The following ACSM3 variants were observed in gnomAD, a reference collection of about 807,000 sequenced individuals.
ACSM3 encodes acyl-CoA synthetase medium chain family member 3, also known as acyl-coenzyme A synthetase ACSM3, mitochondrial.
ACSM3 carries 61 observed loss-of-function variants against 74.1 expected under a neutral mutation model. The ratio of observed to expected loss-of-function variants is 0.82; its 90% CI spans 0.67 to 1.02. The LOEUF is 1.02. Ranked by LOEUF, ACSM3 falls within the 50% of genes least tolerant of loss-of-function variation. The pLI, the probability that ACSM3 is intolerant of heterozygous loss-of-function variation, is 0.00. For missense variants in ACSM3, 660 were observed against 697.0 expected, an observed-to-expected ratio of 0.95 and a Z score of 0.60; for synonymous variants, 213 against 241.5, an observed-to-expected ratio of 0.88 and a Z score of 1.09.
At position 20,758,637 on chromosome 16, in the gene ACSM3, C is replaced by G. The variant is rs566902098; in HGVS notation, c.-52+3021C>G. ...TTTTGTGTCTCTATTTCCTTCAGTT[C>G]TGCTCGATTTTAGTTATTTCTTGCC... On this transcript the variant is annotated intron_variant, in intron 3 of 3. Transcript: ENST00000561584. 7.8e-3 allele frequency among the ~76,000 whole-genome samples: 1,184 copies of G among 152,232 alleles called. 14 individuals are homozygous for G. The highest frequency in any genetic ancestry group is 0.029 in the Admixed American group (445 of 15,296).
At chr16:20,689,005 T>A (rs930512513) in intron 1 of ACSM3, among the ~76,000 whole-genome samples, 7 of 148,510 alleles carry the variant, frequency 4.7e-5, no homozygotes, top group Admixed American at 1.4e-4. Context: ...ATATTATATA[T>A]TAATATATGT....
rs2080469821 is a variant in ACSM3 at position 20,786,135 on chromosome 16, C to T, written c.1201C>T (p.Pro401Ser). 2 of 1,608,906 alleles carry T rather than the reference C, an allele frequency of 1.2e-6. No individual in the cohort carries two copies. Among genetic ancestry groups the T allele is most frequent in the African/African-American group, 1.3e-5 (1 of 74,518 alleles). ...MKIKPGSMGK[P>S]SPAFDVKIVD... ...AATTAAACCTGGCTCAATGGGAAAA[C>T]CTTCTCCTGCTTTCGATGTTAAGGT... is the stretch of plus-strand genomic sequence containing the variant. The change falls in exon 9 of 14, where the codon CCT (proline) becomes TCT (serine). Residue 401 changes from proline (P) to serine (S), a missense_variant. Pro to Ser is a moderately conservative substitution (Grantham distance 74, BLOSUM62 -1). Transcript: ENST00000289416.
chr16:20,693,685 A>G (rs533707455), intron 1 of ACSM3, among the ~76,000 whole-genome samples: 2 of 152,244 alleles, frequency 1.3e-5, no homozygotes, highest in Admixed American at 1.3e-4. Flanking sequence ...CTCCAGTTTG[A>G]TGCAGTTCCT....
At chr16:20,683,569 C>T (rs1438513877) in intron 1 of ACSM3, among the ~76,000 whole-genome samples, 1 of 151,616 alleles carries the variant, frequency 6.6e-6, no homozygotes, top group Non-Finnish European at 1.5e-5. Context: ...GGCCATGCCT[C>T]ACCCCATGCT....
intron 1 of ACSM3, among the ~76,000 whole-genome samples, chr16:20,725,650 C>A (rs2079802302): frequency 6.6e-6 from 1 of 152,140 alleles, no homozygotes; most frequent in Admixed American, 6.5e-5. Context: ...ATGCCAGTAG[C>A]ACCTCCTCCC....
At chr16:20,694,366 G>C (rs2079678698) in intron 1 of ACSM3, among the ~76,000 whole-genome samples, 1 of 152,160 alleles carries the variant, frequency 6.6e-6, no homozygotes, top group African/African-American at 2.4e-5. Flanking sequence ...TGGCCTTGCT[G>C]AGTAAATTAA....
chr16:20,702,107 G>A (rs936630286), intron 1 of ACSM3, among the ~76,000 whole-genome samples: 1 of 152,190 alleles, frequency 6.6e-6, no homozygotes, highest in African/African-American at 2.4e-5. Flanking sequence ...AGGTCCTTGA[G>A]AAATCCCCAC....
At chr16:20,713,814 C>T (rs761012138) in intron 1 of ACSM3, among the ~76,000 whole-genome samples, 1 of 152,154 alleles carries the variant, frequency 6.6e-6, no homozygotes, top group Non-Finnish European at 1.5e-5. Flanking sequence ...TCATTTCAAA[C>T]TTTGAAGTGC....
intron 1 of ACSM3, among the ~76,000 whole-genome samples, chr16:20,695,965 C>G (rs1312628061): frequency 5.3e-5 from 8 of 152,212 alleles, no homozygotes; most frequent in African/African-American, 1.9e-4. Context: ...TGATGGATCA[C>G]ATATACAGAG....
At chr16:20,726,308 A>C (rs937194329) in intron 1 of ACSM3, among the ~76,000 whole-genome samples, 2 of 152,246 alleles carry the variant, frequency 1.3e-5, no homozygotes, top group Non-Finnish European at 2.9e-5. Context: ...GTTTAATTCA[A>C]ACTCAATACA....
At chr16:20,740,732 A>G (rs533998830) in intron 1 of ACSM3, among the ~76,000 whole-genome samples, 5 of 152,338 alleles carry the variant, frequency 3.3e-5, no homozygotes, top group Non-Finnish European at 4.4e-5. Context: ...GTATTGGTCC[A>G]GATTCTAAGC....
At position 20,778,065 on chromosome 16, in the gene ACSM3, G is replaced by T. The variant is rs933834615; in HGVS notation, c.638+485G>T. Reference sequence around the variant, plus strand: ...AACAAAGCCACTGTCTTCAGTCAAGGCAATCTCTAGAGAGTGCTCCCAGCA... The same window carrying T: ...AACAAAGCCACTGTCTTCAGTCAAGTCAATCTCTAGAGAGTGCTCCCAGCA... On this transcript the variant is annotated intron_variant, in intron 4 of 13. Coordinates refer to ENST00000289416, the MANE Select transcript of ACSM3 (RefSeq NM_005622.4). Among the ~76,000 whole-genome samples the T allele has an allele frequency of 3.3e-5, 5 of 152,286 alleles. No individual in the cohort carries two copies. In the East Asian group the frequency reaches 7.7e-4, roughly 23 times the overall value.
intron 1 of ACSM3, among the ~76,000 whole-genome samples, chr16:20,710,827 G>A (rs2079741619): frequency 2.0e-5 from 3 of 151,920 alleles, no homozygotes; most frequent in Admixed American, 2.0e-4. Context: ...GCTCACACCT[G>A]TAATCCCAGC....
intron 1 of ACSM3, among the ~76,000 whole-genome samples, chr16:20,730,770 T>G (rs1331588589): frequency 6.6e-6 from 1 of 152,192 alleles, no homozygotes; most frequent in Non-Finnish European, 1.5e-5. Flanking sequence ...TGGTAGGTTT[T>G]AAACAGTATT....
chr16:20,712,907 T>C (rs1012184726), intron 1 of ACSM3, among the ~76,000 whole-genome samples: 1 of 150,284 alleles, frequency 6.7e-6, no homozygotes, highest in Non-Finnish European at 1.5e-5. Context: ...AGCAAGACTC[T>C]GTCTCAAAAA....
intron 1 of ACSM3, chr16:20,738,849 A>C: frequency 6.3e-7 from 1 of 1,593,190 alleles, no homozygotes; most frequent in Non-Finnish European, 8.6e-7. Context: ...AGACAGGAAG[A>C]TACCCAGATG....
At chr16:20,726,048 G>A (rs1000349604) in intron 1 of ACSM3, among the ~76,000 whole-genome samples, 48 of 151,644 alleles carry the variant, frequency 3.2e-4, no homozygotes, top group African/African-American at 1.1e-3. Context: ...ACAAACCACC[G>A]GAATATCCTC....
Position 20,796,713 on chromosome 16 carries a change from T to C in ACSM3, c.1675-173T>C, listed in dbSNP as rs2080730738. 21 of 1,485,400 alleles carry C rather than the reference T, an allele frequency of 1.4e-5. No individual in the cohort carries two copies. In the South Asian group the frequency reaches 2.9e-4, roughly 21 times the overall value. The allele number at this position is 1,485,400 out of a possible 1,614,324, so 92.0% of individuals were successfully genotyped here. A position where few individuals can be genotyped will look rare whatever the true frequency, so the allele number is the denominator to read the frequency against. On this transcript the variant is annotated intron_variant, in intron 13 of 13. Coordinates refer to ENST00000289416, the MANE Select transcript of ACSM3 (RefSeq NM_005622.4). ...CTGGACTCACAGTAAATACTTAATA[T>C]CAAGACAACTTTCCTAACAATACCC...
chr16:20,785,626 A>C (rs2152475843), intron 8 of ACSM3, among the ~76,000 whole-genome samples: 1 of 152,316 alleles, frequency 6.6e-6, no homozygotes, highest in Non-Finnish European at 1.5e-5. Context: ...AAAAAAGAAC[A>C]ACAGTGGTTA....
Sources: allele counts gnomAD v4.1 joint callset (sites outside exome capture counted in the v4.1 genomes callset), GRCh38; gene constraint gnomAD v4.1.1; transcripts MANE v1.5; gene names NCBI Gene and HGNC (gene_info 2026-07-23, HGNC 2026-07-21).